The following ATXN2 variants were observed in gnomAD, a reference collection of about 807,000 sequenced individuals.
ATXN2 encodes ataxin 2, also known as ataxin-2.
ATXN2 carries 37 observed loss-of-function variants against 138.6 expected under a neutral mutation model. That is an observed-to-expected ratio of 0.27 (90% CI 0.21 to 0.35). The LOEUF (loss-of-function observed/expected upper bound fraction) is 0.35. Among genes scored for constraint, ATXN2 ranks in the 10% least tolerant of loss-of-function variants. The probability of loss-of-function intolerance (pLI) is 1.00; values close to 1 mark genes in which losing one functional copy is unlikely to be tolerated. For missense variants in ATXN2, 1,216 were observed against 1,480.3 expected (o/e 0.82, Z 2.93); for synonymous variants, 549 against 543.7 (o/e 1.01, Z -0.13).
At chr12:111,534,356 T>C (rs1449398349) in intron 5 of ATXN2, among the ~76,000 whole-genome samples, 1 of 151,962 alleles carries the variant, frequency 6.6e-6, no homozygotes, top group East Asian at 1.9e-4. Context: ...AGCCAAGATC[T>C]GCATCACCAC....
upstream of ATXN2, chr12:111,599,378 G>A (rs770648742): frequency 5.2e-6 from 6 of 1,161,520 alleles, no homozygotes; most frequent in African/African-American, 4.9e-5. Context: ...CGGTCCCGGG[G>A]CCGCGCCACC....
chr12:111,491,781 C>T (rs753484009), intron 14 of ATXN2, among the ~76,000 whole-genome samples: 9 of 152,166 alleles, frequency 5.9e-5, no homozygotes, highest in Admixed American at 1.3e-4. Flanking sequence ...GATATGACCC[C>T]GCACATTCAC....
In ATXN2 at chr12:111,457,286, C is replaced by T; in HGVS notation, c.2970G>A (p.Gln990=). ...ATLHPHTPHP[Q]PSATPTGQQQ... ...GCTGTCCAGTGGGGGTAGCTGAAGGCTGAGGGTGTGGAGTATGTGGGTGCA... is the reference window on the plus strand; with the variant it reads ...GCTGTCCAGTGGGGGTAGCTGAAGGTTGAGGGTGTGGAGTATGTGGGTGCA... The change falls in exon 22 of 25, where the codon CAG becomes CAA. Residue 990 remains glutamine, a synonymous_variant. Coordinates refer to ENST00000673436, the MANE Select transcript of ATXN2 (RefSeq NM_001372574.1). 1 of 1,614,110 alleles carries T rather than the reference C, an allele frequency of 6.2e-7. No individual in the cohort carries two copies. Among genetic ancestry groups the T allele is most frequent in the Non-Finnish European group, 8.5e-7 (1 of 1,179,998 alleles).
chr12:111,496,597 T>G (rs1372089024), intron 14 of ATXN2, among the ~76,000 whole-genome samples: 1 of 151,540 alleles, frequency 6.6e-6, no homozygotes, highest in East Asian at 1.9e-4. Context: ...CTTTGGAAAG[T>G]ATACAAATAC....
rs1328074114 is a variant in ATXN2 at position 111,598,658 on chromosome 12, C to T, written c.251+126G>A. 1.0e-5 allele frequency: 9 copies of T among 898,258 alleles called. No homozygotes were observed. Among genetic ancestry groups the T allele is most frequent in the Non-Finnish European group, 1.2e-5 (9 of 745,506 alleles). The allele number at this position is 898,258 out of a possible 1,614,324, so 55.6% of individuals were successfully genotyped here. ...GGGGCTCAGGCCCGAGCGAGTCTCC[C>T]CCGCGCTGCCGGCCCCCAGCCCACC... On this transcript the variant is annotated intron_variant, in intron 1 of 24. Coordinates refer to ENST00000673436, the MANE Select transcript of ATXN2 (RefSeq NM_001372574.1). This position sits in a 1 kb window ranked among gnomAD's most constrained non-coding sequence, Gnocchi z 4.5.
chr12:111,582,991 TTG>T (rs1164122756), intron 1 of ATXN2, among the ~76,000 whole-genome samples: 16 of 76,124 alleles, frequency 2.1e-4, no homozygotes, highest in Middle Eastern at 9.6e-3. Context: ...TTTTTTTTGT[TTG>T]TTTTTTTTTT....
intron 1 of ATXN2, among the ~76,000 whole-genome samples, chr12:111,591,006 C>T (rs1361648177): frequency 6.6e-6 from 1 of 151,918 alleles, no homozygotes; most frequent in Non-Finnish European, 1.5e-5. Context: ...TCTCTTGCCT[C>T]GGCCTCCGGA....
chr12:111,585,955 G>C (rs1250840601), intron 1 of ATXN2, among the ~76,000 whole-genome samples: 1 of 151,956 alleles, frequency 6.6e-6, no homozygotes, highest in African/African-American at 2.4e-5. Context: ...CCAGGCTGGA[G>C]TGCAGTGGTG....
chr12:111,562,230 T>C (rs1882732025), intron 1 of ATXN2, among the ~76,000 whole-genome samples: 1 of 151,964 alleles, frequency 6.6e-6, no homozygotes, highest in African/African-American at 2.4e-5. Flanking sequence ...GACCCGGAGT[T>C]CAAGACCATC....
At position 111,534,984 on chromosome 12, in the gene ATXN2, T is replaced by TA. The variant is rs199761312; in HGVS notation, c.572-9669dup. 9.9e-3 allele frequency among the ~76,000 whole-genome samples: 1,497 copies of TA among 151,118 alleles called. 23 individuals are homozygous for TA. Among genetic ancestry groups the TA allele is most frequent in the African/African-American group, 0.035 (1,427 of 41,160 alleles). ...ACATCTGTCTCTACAAAAACTAAAC[T>TA]AAAAAAAACAAACAAAAAAATTAGC... is the stretch of plus-strand genomic sequence containing the variant. On this transcript the variant is annotated intron_variant, in intron 5 of 24. Transcript: ENST00000673436.
chr12:111,567,747 G>A (rs1883094889), intron 1 of ATXN2, among the ~76,000 whole-genome samples: 1 of 152,070 alleles, frequency 6.6e-6, no homozygotes, highest in South Asian at 2.1e-4. Flanking sequence ...TCAGGAGGCA[G>A]AGGTTGCAGT....
intron 21 of ATXN2, among the ~76,000 whole-genome samples, chr12:111,464,331 GTGTT>G (rs1413251981): frequency 9.2e-5 from 11 of 119,186 alleles, no homozygotes; most frequent in Admixed American, 6.1e-4. Flanking sequence ...TTGGGTGTGT[GTGTT>G]TGTGTGTGTG....
chr12:111,550,964 G>C (rs1037601281), intron 5 of ATXN2, among the ~76,000 whole-genome samples: 1 of 152,118 alleles, frequency 6.6e-6, no homozygotes, highest in Non-Finnish European at 1.5e-5. Flanking sequence ...ACAGAATTAC[G>C]TATTTCACTA....
intron 18 of ATXN2, 170 bp downstream of exon 18, chr12:111,485,095 T>C: frequency 3.5e-6 from 2 of 579,284 alleles, no homozygotes; most frequent in East Asian, 5.2e-5. Context: ...TCCCCTGTTT[T>C]TCTTCATAAA....
chr12:111,455,610 G>T (rs1156368590), intron 23 of ATXN2: 2 of 304,900 alleles, frequency 6.6e-6, no homozygotes, highest in African/African-American at 4.3e-5. Context: ...AAGTTGACAG[G>T]CCCCGGTAGT....
intron 1 of ATXN2, among the ~76,000 whole-genome samples, chr12:111,589,912 C>T (rs1592935836): frequency 6.6e-6 from 1 of 151,384 alleles, no homozygotes; most frequent in East Asian, 2.0e-4. Flanking sequence ...GAGCTAGAAC[C>T]TGTCTCAAAA....
At chr12:111,517,315 T>G (rs1171781059) in intron 9 of ATXN2, among the ~76,000 whole-genome samples, 1 of 152,104 alleles carries the variant, frequency 6.6e-6, no homozygotes, top group Non-Finnish European at 1.5e-5. Context: ...AAATCTTTCC[T>G]CAGTGAGCAA....
At chr12:111,590,921 C>G (rs1020961001) in intron 1 of ATXN2, among the ~76,000 whole-genome samples, 6 of 151,630 alleles carry the variant, frequency 4.0e-5, no homozygotes, top group African/African-American at 1.2e-4. Flanking sequence ...CGGAGTCTCA[C>G]TTTGTCCCCC....
intron 6 of ATXN2, 67 bp from the exon 7 acceptor site, chr12:111,521,040 C>A: frequency 2.0e-6 from 2 of 1,014,420 alleles, no homozygotes; most frequent in African/African-American, 1.6e-5. Flanking sequence ...CAGTTATAAC[C>A]AACATCTATA....
Sources: allele counts gnomAD v4.1 joint callset (sites outside exome capture counted in the v4.1 genomes callset), GRCh38; gene constraint gnomAD v4.1.1; non-coding constraint Gnocchi (gnomAD v3.1); transcripts MANE v1.5; gene names NCBI Gene and HGNC (gene_info 2026-07-23, HGNC 2026-07-21).